Variants in SLC43A3 observed in about 807,000 individuals in gnomAD.
SLC43A3 encodes the protein solute carrier family 43 member 3, also known as equilibrative nucleobase transporter 1.
A neutral mutation model predicts 53.3 loss-of-function variants in SLC43A3; 33 were observed. The observed-to-expected ratio is 0.62, with a 90% confidence interval of 0.47 to 0.83. SLC43A3 has a LOEUF of 0.83. SLC43A3 is among the 40% of genes least tolerant of loss of function. The pLI is 0.00. For synonymous variants in SLC43A3, 236 were observed against 246.2 expected (o/e 0.96, Z 0.39); for missense variants, 530 against 610.0 (o/e 0.87, Z 1.38).
chr11:57,412,387 T>G (rs1223781407), intron 11 of SLC43A3, among the ~76,000 whole-genome samples: 4 of 152,194 alleles, frequency 2.6e-5, no homozygotes, highest in African/African-American at 9.7e-5. Flanking sequence ...TCCCTGAAGG[T>G]CACTAGGGCA....
At chr11:57,418,808 T>C (rs1942842096) in intron 7 of SLC43A3, among the ~76,000 whole-genome samples, 1 of 151,742 alleles carries the variant, frequency 6.6e-6, no homozygotes, top group Admixed American at 6.6e-5. Flanking sequence ...GAGAATCGCT[T>C]GAACCCGGGA....
chr11:57,416,687 C>G lies in SLC43A3; in HGVS notation c.672-17G>C. On this transcript the variant is annotated splice_polypyrimidine_tract_variant and intron_variant, in intron 8 of 13. Transcript: ENST00000395124. ...GGGCACAGGCTATGGAAACAAAAGC[C>G]CCACCAGCAAGGCCAAGGACTGTGA... 6.2e-7 allele frequency: 1 copy of G among 1,606,430 alleles called. No homozygotes were observed. The highest frequency in any genetic ancestry group is 8.5e-7 in the Non-Finnish European group (1 of 1,173,308).
At chr11:57,412,977 A>G (rs571174314) in intron 11 of SLC43A3, among the ~76,000 whole-genome samples, 41 of 151,854 alleles carry the variant, frequency 2.7e-4, no homozygotes, top group Non-Finnish European at 4.7e-4. Context: ...ATCAATCTTA[A>G]CATCGTAACA....
At position 57,426,335 on chromosome 11, in the gene SLC43A3, C is replaced by T; in HGVS notation, c.-163G>A. On this transcript the variant is annotated 5_prime_UTR_variant, in exon 3 of 14. Coordinates refer to ENST00000395124, the MANE Select transcript of SLC43A3 (RefSeq NM_199329.3). ...TTCAGGCCTGGGCAAAAACCATCAG[C>T]GGGTGATTCTCTGGATCCTGTAGAA... The T allele has an allele frequency of 3.2e-6, 2 of 624,590 alleles. No individual in the cohort carries two copies. The highest frequency in any genetic ancestry group is 5.5e-6 in the Non-Finnish European group (2 of 360,652). 38.7% of individuals were successfully genotyped at this position (624,590 alleles called of 1,614,324 possible).
chr11:57,421,190 A>G (rs1215079131), intron 6 of SLC43A3, 107 bp downstream of exon 6: 19 of 1,246,858 alleles, frequency 1.5e-5, no homozygotes, highest in Non-Finnish European at 2.1e-5. Flanking sequence ...CTCCCACCTC[A>G]GCTTGGGCCA....
chr11:57,417,372 C>T (rs1199351391), intron 8 of SLC43A3, among the ~76,000 whole-genome samples: 1 of 152,208 alleles, frequency 6.6e-6, no homozygotes, highest in African/African-American at 2.4e-5. Context: ...AATGAGCCCA[C>T]GCTGGCTTGC....
At chr11:57,422,116 A>G (rs1943017616) in intron 5 of SLC43A3, among the ~76,000 whole-genome samples, 1 of 152,246 alleles carries the variant, frequency 6.6e-6, no homozygotes, top group African/African-American at 2.4e-5. Context: ...TATTCTGGCC[A>G]CAACCTATGC....
At chr11:57,419,666 CA>C (rs1341824910) in intron 7 of SLC43A3, among the ~76,000 whole-genome samples, 1 of 151,978 alleles carries the variant, frequency 6.6e-6, no homozygotes, top group African/African-American at 2.4e-5. Context: ...ACTGTGGTGG[CA>C]CGCCTATAGT....
intron 4 of SLC43A3, 137 bp downstream of exon 4, chr11:57,425,404 G>T: frequency 1.2e-6 from 1 of 841,938 alleles, no homozygotes. Flanking sequence ...GTTCCTAACA[G>T]CTGCTGGGAG....
chr11:57,420,541 G>A (rs1212059193), intron 7 of SLC43A3, among the ~76,000 whole-genome samples: 2 of 152,170 alleles, frequency 1.3e-5, no homozygotes, highest in Admixed American at 6.5e-5. Context: ...ATCAGCCACT[G>A]GGACAGCTGG....
At chr11:57,412,807 CAA>C (rs1164525684) in intron 11 of SLC43A3, among the ~76,000 whole-genome samples, 14 of 112,620 alleles carry the variant, frequency 1.2e-4, no homozygotes, top group Non-Finnish European at 1.3e-4. Flanking sequence ...GACTCTGTCT[CAA>C]AAAAAAAAAA....
chr11:57,407,662 A>G lies in SLC43A3; in HGVS notation c.*130T>C. 3.6e-6 allele frequency: 2 copies of G among 560,612 alleles called. No individual in the cohort carries two copies. Among genetic ancestry groups the G allele is most frequent in the Admixed American group, 3.3e-5 (1 of 30,584 alleles). The allele number at this position is 560,612 out of a possible 1,614,324, so 34.7% of individuals were successfully genotyped here. ...TGCGCAGACGTCCTTGTGTGTCTTT[A>G]TTTTGTGTGTGTGTGTGTGTGTGTG... On this transcript the variant is annotated 3_prime_UTR_variant, in exon 14 of 14. Transcript: ENST00000395124.
In SLC43A3 at chr11:57,410,109, A is replaced by C; in HGVS notation, c.1073T>G (p.Leu358Trp). 2 of 1,602,294 alleles carry C rather than the reference A, an allele frequency of 1.2e-6. No individual in the cohort carries two copies. Among genetic ancestry groups the C allele is most frequent in the Non-Finnish European group, 8.5e-7 (1 of 1,175,202 alleles). The change falls in exon 12 of 14, where the codon TTG becomes TGG. Residue 358 changes from leucine to tryptophan, a missense_variant. Leu to Trp is a moderately conservative substitution (Grantham distance 61). This residue lies in a region of SLC43A3 where 376 missense variants were observed against 386.7 expected (regional missense o/e 0.97). Transcript: ENST00000395124. ...KEARKTGSST[L>W]AVALCSTVPS... ...CACCGTCGAGCAGAGGGCCACCGCC[A>C]AAGTGGAGGAACCTGGGCGAACAGA...
Position 57,421,360 on chromosome 11 carries a change from C to T in SLC43A3, c.375G>A (p.Leu125=). ...IAFTSAGSAV[L]LFLAMPMLTI... ...TGAGCATTGGCATGGCCAGGAAGAG[C>T]AGCACGGCTGAGCCTGGACCATCAA... is the stretch of plus-strand genomic sequence containing the variant. Residue 125 remains leucine (L), a synonymous_variant, in exon 6 of 14, where the codon CTG becomes CTA. Transcript: ENST00000395124. 6.2e-7 allele frequency: 1 copy of T among 1,613,800 alleles called. No homozygotes were observed. Among genetic ancestry groups the T allele is most frequent in the East Asian group, 2.2e-5 (1 of 44,888 alleles).
chr11:57,409,248 G>A lies in SLC43A3; in HGVS notation c.1298C>T (p.Ser433Leu), dbSNP rs1240382781. The change falls in exon 13 of 14, where the codon TCG (serine) becomes TTG (leucine). Residue 433 changes from serine to leucine, a missense_variant. Coordinates refer to ENST00000395124, the MANE Select transcript of SLC43A3 (RefSeq NM_199329.3). ...GAACTGGAGCAGAGACACCACAGCC[G>A]ACAAGGCCATCACCAGCCCAAAGAG... ...GKLFGLVMAL[S>L]AVVSLLQFPI... 9.3e-6 allele frequency: 15 copies of A among 1,614,008 alleles called. No homozygotes were observed. The highest frequency in any genetic ancestry group is 1.1e-5 in the Non-Finnish European group (13 of 1,179,988).
At chr11:57,417,665 C>T (rs2135023683) in intron 8 of SLC43A3, 83 bp downstream of exon 8, 2 of 1,514,384 alleles carry the variant, frequency 1.3e-6, no homozygotes, top group Non-Finnish European at 1.8e-6. Flanking sequence ...TCCTCCTCTC[C>T]TGTGATAGGT....
At position 57,426,158 on chromosome 11, in the gene SLC43A3, G is replaced by T; in HGVS notation, c.15C>A (p.Gly5=). The change falls in exon 3 of 14, where the codon GGC becomes GGA. Residue 5 remains glycine (G), a synonymous_variant. Transcript: ENST00000395124. MAGQ[G]LPLHVATLLT... Reference sequence around the variant, plus strand: ...GCAGTGTGGCCACGTGCAGGGGCAGGCCCTGGCCCGCCATGAGCAGAAGTG... The same window carrying T: ...GCAGTGTGGCCACGTGCAGGGGCAGTCCCTGGCCCGCCATGAGCAGAAGTG... 1 of 1,613,472 alleles carries T rather than the reference G, an allele frequency of 6.2e-7. No homozygotes were observed. The highest frequency in any genetic ancestry group is 8.5e-7 in the Non-Finnish European group (1 of 1,179,666).
Position 57,425,977 on chromosome 11 carries a change from C to T in SLC43A3, c.184+12G>A. 6.2e-7 allele frequency: 1 copy of T among 1,612,074 alleles called. No homozygotes were observed. Among genetic ancestry groups the T allele is most frequent in the Non-Finnish European group, 8.5e-7 (1 of 1,178,338 alleles). ...GACTTAACTTCCTTAGAAAAGTCAT[C>T]CCTGCCCTTACCAGCCTGCCCTGTG... On this transcript the variant is annotated intron_variant, in intron 3 of 13. Transcript: ENST00000395124.
In SLC43A3 at chr11:57,426,047, G is replaced by C. The variant is rs771308616; in HGVS notation, c.126C>G (p.Tyr42Ter). Residue 42 changes from tyrosine to a stop codon, truncating the protein, a stop_gained, in exon 3 of 14, where the codon TAC becomes TAG. Transcript: ENST00000395124. LOFTEE classifies it high-confidence loss of function. ...SLVFVFKNED[Y>*]FKDLCGPDAG... Reference sequence around the variant, plus strand: ...CATCTGGTCCACACAGATCCTTAAAGTAATCTTCATTCTTGAAGACAAACA... The same window carrying C: ...CATCTGGTCCACACAGATCCTTAAACTAATCTTCATTCTTGAAGACAAACA... 12 of 1,614,252 alleles carry C rather than the reference G, an allele frequency of 7.4e-6. No individual in the cohort carries two copies. The South Asian group carries it at 1.3e-4, about 18-fold the overall frequency.
Sources: allele counts gnomAD v4.1 joint callset (sites outside exome capture counted in the v4.1 genomes callset), GRCh38; gene constraint gnomAD v4.1.1; regional missense constraint gnomAD v4.1.1; transcripts MANE v1.5; gene names NCBI Gene and HGNC (gene_info 2026-07-23, HGNC 2026-07-21).